The following MEOX2 variants were observed in gnomAD, a reference collection of about 807,000 sequenced individuals.
MEOX2 encodes mesenchyme homeobox 2, also known as homeobox protein MOX-2.
In MEOX2, 11 loss-of-function variants were observed where a neutral mutation model predicts 27.0. The observed-to-expected ratio is 0.41, with a 90% CI of 0.26 to 0.68. The LOEUF (loss-of-function observed/expected upper bound fraction) is 0.68. MEOX2 is among the 30% of genes least tolerant of loss of function. The pLI is 0.33. For synonymous variants in MEOX2, 189 were observed against 155.4 expected, an observed-to-expected ratio of 1.22 and a Z score of -1.61; for missense variants, 436 against 385.4, an observed-to-expected ratio of 1.13 and a Z score of -1.10.
At chr7:15,683,140 G>A (rs1184146043) in intron 1 of MEOX2, among the ~76,000 whole-genome samples, 2 of 151,924 alleles carry the variant, frequency 1.3e-5, no homozygotes, top group Non-Finnish European at 2.9e-5. Flanking sequence ...GAATAAAATT[G>A]TAAGGTTTAT....
chr7:15,666,751 C>CAAAAAAAAAA (rs61294753), intron 1 of MEOX2, among the ~76,000 whole-genome samples: 5 of 63,060 alleles, frequency 7.9e-5, no homozygotes, highest in Non-Finnish European at 1.3e-4. Flanking sequence ...GACTCTGTCT[C>CAAAAAAAAAA]AAAAAAAAAA....
intron 2 of MEOX2, among the ~76,000 whole-genome samples, chr7:15,616,750 C>A (rs983177067): frequency 6.6e-6 from 1 of 151,824 alleles, no homozygotes; most frequent in Middle Eastern, 3.2e-3. Flanking sequence ...TACAAGAATT[C>A]TCACATTTCC....
chr7:15,679,416 G>A (rs1293085618), intron 1 of MEOX2: 1 of 152,022 alleles, frequency 6.6e-6, no homozygotes. Flanking sequence ...GCCTATGCAA[G>A]CTTTAAGAAA....
intron 1 of MEOX2, among the ~76,000 whole-genome samples, chr7:15,653,439 C>G (rs970269154): frequency 6.6e-6 from 1 of 151,836 alleles, no homozygotes; most frequent in African/African-American, 2.4e-5. Flanking sequence ...GTCTTTTCAT[C>G]CTCTTAACAG....
chr7:15,668,115 T>C (rs548771160), intron 1 of MEOX2: 2 of 152,232 alleles, frequency 1.3e-5, no homozygotes, highest in African/African-American at 4.8e-5. Context: ...TTAACTACAG[T>C]TGACCTTTGA....
At chr7:15,626,207 T>C (rs751563731) in intron 2 of MEOX2, among the ~76,000 whole-genome samples, 6 of 152,172 alleles carry the variant, frequency 3.9e-5, no homozygotes, top group Non-Finnish European at 8.8e-5. Flanking sequence ...GGACACCACA[T>C]GTTGAGATGC....
chr7:15,655,268 T>A (rs925586927), intron 1 of MEOX2, among the ~76,000 whole-genome samples: 7 of 151,770 alleles, frequency 4.6e-5, no homozygotes, highest in Non-Finnish European at 8.9e-5. Context: ...GTGGCTTCTC[T>A]GTTTTTCATT....
intron 2 of MEOX2, among the ~76,000 whole-genome samples, chr7:15,625,902 G>T (rs1301521221): frequency 6.6e-6 from 1 of 152,058 alleles, no homozygotes; most frequent in African/African-American, 2.4e-5. Flanking sequence ...CTCATTAATT[G>T]GAGTCCAAAA....
chr7:15,612,758 G>A (rs1370185757), intron 2 of MEOX2, 147 bp from the exon 3 acceptor site: 6 of 645,782 alleles, frequency 9.3e-6, no homozygotes, highest in African/African-American at 9.2e-5. Flanking sequence ...ATAAATCCAC[G>A]TTGAATTTAA....
intron 1 of MEOX2, among the ~76,000 whole-genome samples, chr7:15,683,483 G>T (rs1782323961): frequency 6.6e-6 from 1 of 151,978 alleles, no homozygotes; most frequent in Non-Finnish European, 1.5e-5. Context: ...AGCAATGAGA[G>T]ATATACGTAT....
intron 1 of MEOX2, among the ~76,000 whole-genome samples, chr7:15,646,672 A>G (rs1205930495): frequency 6.6e-6 from 1 of 152,048 alleles, no homozygotes; most frequent in Non-Finnish European, 1.5e-5. Context: ...TAATGGAAGA[A>G]GTCTCCATAA....
chr7:15,623,253 C>A (rs1185059857), intron 2 of MEOX2, among the ~76,000 whole-genome samples: 2 of 152,148 alleles, frequency 1.3e-5, no homozygotes, highest in East Asian at 1.9e-4. Context: ...TGCCATCTGA[C>A]CTTCAAGAAT....
chr7:15,626,816 G>A lies in MEOX2; in HGVS notation c.620C>T (p.Ala207Val), dbSNP rs762865770. The change falls in exon 2 of 3, where the codon GCC becomes GTC. Residue 207 changes from alanine (A) to valine (V), a missense_variant. Transcript: ENST00000262041. ...EQIRELEAEF[A>V]HHNYLTRLRR... is the part of the protein sequence containing the mutation. ...CAGTCTGGTGAGATAATTATGATGG[G>A]CAAATTCTGCTTCAAGTTCTCTGAT... is the stretch of plus-strand genomic sequence containing the variant. 20 of 1,609,944 alleles carry A rather than the reference G, an allele frequency of 1.2e-5. No homozygotes were observed. In the Admixed American group the frequency reaches 1.5e-4, roughly 12 times the overall value.
At chr7:15,665,605 A>G (rs556504345) in intron 1 of MEOX2, among the ~76,000 whole-genome samples, 1 of 152,336 alleles carries the variant, frequency 6.6e-6, no homozygotes, top group South Asian at 2.1e-4. Context: ...CAATTTTACC[A>G]TGTAGTAAAT....
intron 1 of MEOX2, chr7:15,681,505 T>C (rs2115398097): frequency 6.6e-6 from 1 of 151,940 alleles, no homozygotes; most frequent in African/African-American, 2.4e-5. Flanking sequence ...TTTCATTACA[T>C]ATGGAATTCA....
chr7:15,615,344 G>A (rs1346200790), intron 2 of MEOX2, among the ~76,000 whole-genome samples: 1 of 151,928 alleles, frequency 6.6e-6, no homozygotes, highest in Non-Finnish European at 1.5e-5. Context: ...TTTGATTCCA[G>A]ATTCTGGGTT....
At chr7:15,667,741 A>G (rs1434794576) in intron 1 of MEOX2, among the ~76,000 whole-genome samples, 1 of 152,190 alleles carries the variant, frequency 6.6e-6, no homozygotes, top group African/African-American at 2.4e-5. Flanking sequence ...CCTAAGGTTA[A>G]TAAGTGATTT....
At chr7:15,620,555 AAAC>A (rs367693022) in intron 2 of MEOX2, among the ~76,000 whole-genome samples, 54 of 137,586 alleles carry the variant, frequency 3.9e-4, no homozygotes, top group African/African-American at 9.2e-4. Context: ...CCTGGGTGAC[AAAC>A]AACAACAACA....
At chr7:15,682,256 A>G (rs1289520657) in intron 1 of MEOX2, among the ~76,000 whole-genome samples, 2 of 151,874 alleles carry the variant, frequency 1.3e-5, no homozygotes, top group Admixed American at 1.3e-4. Context: ...ACAGAAATGA[A>G]TAATAACACT....
Sources: gnomAD v4.1 joint callset for allele counts (sites outside exome capture counted in the v4.1 genomes callset) on GRCh38, gnomAD v4.1.1 for gene constraint, MANE v1.5 for transcripts, NCBI Gene and HGNC (gene_info 2026-07-23, HGNC 2026-07-21) for gene names.